SMPX: variants seen among roughly 807,000 people sequenced by gnomAD.
The protein encoded by SMPX is small muscle protein X-linked, also known as small muscular protein.
A neutral mutation model predicts 6.3 loss-of-function variants in SMPX; 2 were observed. That is an observed-to-expected ratio of 0.32 (90% CI 0.13 to 0.99). The LOEUF is 0.99. Among genes scored for constraint, SMPX ranks in the 50% least tolerant of loss-of-function variants. SMPX has a pLI of 0.49. For synonymous variants in SMPX, 32 were observed against 24.7 expected (o/e 1.30, Z -0.88); for missense variants, 60 against 66.8 (o/e 0.90, Z 0.36).
chrX:21,756,274 TAGTC>T (rs2092832871), intron 1 of SMPX, among the ~76,000 whole-genome samples: 1 of 112,506 alleles, frequency 8.9e-6, no homozygotes, highest in Non-Finnish European at 1.9e-5. Flanking sequence ...TTTTTAAAAT[TAGTC>T]AATGAATGAT....
At chrX:21,756,040 T>G (rs759705782) in intron 1 of SMPX, among the ~76,000 whole-genome samples, 1 of 112,463 alleles carries the variant, frequency 8.9e-6, no homozygotes, top group East Asian at 2.8e-4. Flanking sequence ...AAAGAAAAGC[T>G]TCGTGGCTTA....
intron 4 of SMPX, among the ~76,000 whole-genome samples, chrX:21,717,423 G>A (rs967810664): frequency 1.8e-5 from 2 of 112,210 alleles, no homozygotes; most frequent in African/African-American, 6.5e-5. Flanking sequence ...AAATTACCCA[G>A]TCTCAAATAT....
rs2092772805 is a variant in SMPX, at chrX:21,706,282, C to A, written c.*127G>T. On this transcript the variant is annotated 3_prime_UTR_variant, in exon 5 of 5. Transcript: ENST00000379494. Reference sequence around the variant, plus strand: ...AAGAGATATAAATGTACAAACAGGCCATTTCTGCTAGAGTCTCAGGCATTC... The same window carrying A: ...AAGAGATATAAATGTACAAACAGGCAATTTCTGCTAGAGTCTCAGGCATTC... The A allele has an allele frequency of 6.0e-6, 3 of 497,781 alleles. No individual in the cohort carries two copies. The highest frequency in any genetic ancestry group is 2.7e-5 in the Admixed American group (1 of 37,425). The allele number at this position is 497,781 out of a possible 1,213,427, so 41.0% of individuals were successfully genotyped here. A position where few individuals can be genotyped will look rare whatever the true frequency, so the allele number is the denominator to read the frequency against.
At chrX:21,733,858 C>G (rs1375427629) in intron 4 of SMPX, 2 of 272,376 alleles carry the variant, frequency 7.3e-6, no homozygotes, top group Non-Finnish European at 1.4e-5. Flanking sequence ...TTTGGTCTCA[C>G]TAGACTGGTC....
In SMPX at chrX:21,737,665, C is replaced by T; in HGVS notation, c.165G>A (p.Lys55=). 1 of 1,210,490 alleles carries T rather than the reference C, an allele frequency of 8.3e-7. No individual in the cohort carries two copies. The highest frequency in any genetic ancestry group is 1.7e-5 in the African/African-American group (1 of 57,825). Reference sequence around the variant, plus strand: ...GAAGTTTCTTCGCTCCTGGAATTGGCTTCTTCTCCTCATCCGAGGTGGGAG... The same window carrying T: ...GAAGTTTCTTCGCTCCTGGAATTGGTTTCTTCTCCTCATCCGAGGTGGGAG... The part of the protein sequence containing the change: ...GVPPTSDEEK[K]PIPGAKKLPG... The change falls in exon 4 of 5, where the codon AAG becomes AAA. Residue 55 remains lysine (K), a synonymous_variant. Transcript: ENST00000379494.
At chrX:21,710,473 G>A (rs2092777446) in intron 4 of SMPX, among the ~76,000 whole-genome samples, 1 of 110,851 alleles carries the variant, frequency 9.0e-6, no homozygotes, top group Admixed American at 9.6e-5. Flanking sequence ...AGGTGACGGG[G>A]GCACTAAAAT....
intron 3 of SMPX, among the ~76,000 whole-genome samples, chrX:21,738,593 G>A (rs2092813048): frequency 9.0e-6 from 1 of 110,975 alleles, no homozygotes; most frequent in Non-Finnish European, 1.9e-5. Context: ...GATCACCGTG[G>A]CAGCCTTGAG....
chrX:21,709,506 C>CA (rs2092776273), intron 4 of SMPX, among the ~76,000 whole-genome samples: 1 of 112,197 alleles, frequency 8.9e-6, no homozygotes, highest in South Asian at 3.7e-4. Flanking sequence ...TGGCACCTGA[C>CA]ACATAGCAGG....
At chrX:21,720,885 A>G in intron 4 of SMPX, among the ~76,000 whole-genome samples, 1 of 112,499 alleles carries the variant, frequency 8.9e-6, no homozygotes, top group Non-Finnish European at 1.9e-5. Context: ...ATGTTTATAC[A>G]TGCAGAGACT....
At chrX:21,720,317 G>C (rs1385257575) in intron 4 of SMPX, among the ~76,000 whole-genome samples, 4 of 112,031 alleles carry the variant, frequency 3.6e-5, no homozygotes, top group African/African-American at 1.3e-4. Context: ...AAGGCACCAA[G>C]GCCTCCTCCT....
chrX:21,754,734 G>T (rs186892816), intron 1 of SMPX, among the ~76,000 whole-genome samples: 1 of 112,169 alleles, frequency 8.9e-6, no homozygotes, highest in African/African-American at 3.2e-5. Context: ...ATAGTCCATT[G>T]GGAGTGCCTC....
chrX:21,718,715 T>C (rs1026104117), intron 4 of SMPX, among the ~76,000 whole-genome samples: 2 of 111,835 alleles, frequency 1.8e-5, no homozygotes, highest in Non-Finnish European at 3.8e-5. Context: ...GATTTAACCA[T>C]AAATAAAGCC....
At chrX:21,731,361 G>C (rs1424424743) in intron 4 of SMPX, among the ~76,000 whole-genome samples, 1 of 102,790 alleles carries the variant, frequency 9.7e-6, no homozygotes, top group East Asian at 3.2e-4. Flanking sequence ...CTGTTGTTGG[G>C]CAGTGTTTTA....
At chrX:21,755,659 T>C (rs1341507776) in intron 1 of SMPX, among the ~76,000 whole-genome samples, 1 of 111,691 alleles carries the variant, frequency 9.0e-6, no homozygotes, top group Non-Finnish European at 1.9e-5. Flanking sequence ...GAAAAATAAG[T>C]CTTTTGAAAT....
intron 4 of SMPX, among the ~76,000 whole-genome samples, chrX:21,722,998 C>A (rs935802752): frequency 1.8e-5 from 2 of 111,858 alleles, no homozygotes; most frequent in African/African-American, 6.5e-5. Flanking sequence ...GCAAAGAAAT[C>A]TGACCAAGCT....
At chrX:21,726,749 G>A in intron 4 of SMPX, among the ~76,000 whole-genome samples, 2 of 112,193 alleles carry the variant, frequency 1.8e-5, no homozygotes, top group South Asian at 7.5e-4. Context: ...CCTCAGGGTG[G>A]ACAGCAGAAT....
intron 4 of SMPX, among the ~76,000 whole-genome samples, chrX:21,733,003 A>T (rs1427348512): frequency 3.6e-5 from 4 of 111,863 alleles, no homozygotes; most frequent in African/African-American, 1.3e-4. Context: ...TCTGACTTTC[A>T]GCTCCAGAAT....
intron 3 of SMPX, among the ~76,000 whole-genome samples, chrX:21,740,463 G>C (rs1449578337): frequency 8.9e-6 from 1 of 112,016 alleles, no homozygotes; most frequent in Non-Finnish European, 1.9e-5. Flanking sequence ...CAGGGTATTT[G>C]TAAAACTTGG....
chrX:21,719,218 T>G (rs769173279), intron 4 of SMPX, among the ~76,000 whole-genome samples: 6 of 111,834 alleles, frequency 5.4e-5, no homozygotes, highest in Non-Finnish European at 7.5e-5. Flanking sequence ...CTGGGTTTGA[T>G]CCTCAGAAAT....
Sources: gnomAD v4.1 joint callset for allele counts (sites outside exome capture counted in the v4.1 genomes callset) on GRCh38, gnomAD v4.1.1 for gene constraint, MANE v1.5 for transcripts, NCBI Gene and HGNC (gene_info 2026-07-23, HGNC 2026-07-21) for gene names.